SLC6A17: variants seen among roughly 807,000 people sequenced by gnomAD.
The protein encoded by SLC6A17 is solute carrier family 6 member 17.
SLC6A17 carries 21 observed loss-of-function variants against 64.5 expected under a neutral mutation model. The ratio of observed to expected loss-of-function variants is 0.33; its 90% confidence interval spans 0.23 to 0.47. The LOEUF (loss-of-function observed/expected upper bound fraction) is 0.47, where lower values mean the gene tolerates loss of function less well. SLC6A17 is among the 20% of genes least tolerant of loss of function. The pLI is 1.00. For synonymous variants in SLC6A17, 372 were observed against 399.5 expected, an observed-to-expected ratio of 0.93 and a Z score of 0.82; for missense variants, 682 against 963.2, an observed-to-expected ratio of 0.71 and a Z score of 3.86.
chr1:110,191,777 G>C (rs1366070178), intron 6 of SLC6A17, among the ~76,000 whole-genome samples, 195 bp from the exon 7 acceptor site: 2 of 152,198 alleles, frequency 1.3e-5, no homozygotes, highest in Non-Finnish European at 2.9e-5. Context: ...CTCTGAAGTT[G>C]ATACTCTTGT....
At chr1:110,155,382 A>T (rs1364031934) in intron 1 of SLC6A17, among the ~76,000 whole-genome samples, 1 of 152,234 alleles carries the variant, frequency 6.6e-6, no homozygotes, top group Non-Finnish European at 1.5e-5. Flanking sequence ...CACATGTAAG[A>T]ACATAAGCTC....
chr1:110,188,078 G>A (rs911800155), intron 6 of SLC6A17, among the ~76,000 whole-genome samples: 8 of 152,342 alleles, frequency 5.3e-5, no homozygotes, highest in Admixed American at 1.3e-4. Flanking sequence ...TTCACTTGGT[G>A]TGAATATTCA....
chr1:110,172,407 G>A, intron 3 of SLC6A17, 190 bp downstream of exon 3: 1 of 709,440 alleles, frequency 1.4e-6, no homozygotes, highest in East Asian at 2.9e-5. Context: ...TAAACTGAGA[G>A]TCGACCACGT....
intron 9 of SLC6A17, 39 bp from the exon 10 acceptor site, chr1:110,195,547 G>T: frequency 6.2e-7 from 1 of 1,610,666 alleles, no homozygotes; most frequent in Admixed American, 1.7e-5. Flanking sequence ...TGCCCACCCT[G>T]CACCTTTGCC....
chr1:110,178,495 T>G (rs930743001), intron 6 of SLC6A17: 4 of 152,250 alleles, frequency 2.6e-5, no homozygotes, highest in Non-Finnish European at 5.9e-5. Flanking sequence ...GCCATTAAAG[T>G]GCCAGTGTAG....
intron 1 of SLC6A17, among the ~76,000 whole-genome samples, chr1:110,165,197 G>C (rs6674566): frequency 1.3e-5 from 2 of 152,156 alleles, no homozygotes; most frequent in Non-Finnish European, 2.9e-5. Context: ...AAGGACACAG[G>C]CCTCTCCGTT....
intron 5 of SLC6A17, among the ~76,000 whole-genome samples, chr1:110,176,405 C>T (rs1477870750): frequency 2.0e-5 from 3 of 152,172 alleles, no homozygotes; most frequent in Non-Finnish European, 4.4e-5. Flanking sequence ...AGGGAGAAAA[C>T]CAACCCCGGG....
At chr1:110,177,355 T>A (rs1347462266) in intron 6 of SLC6A17, among the ~76,000 whole-genome samples, 12 of 152,158 alleles carry the variant, frequency 7.9e-5, no homozygotes, top group Non-Finnish European at 1.6e-4. Context: ...GGGAGCAAGA[T>A]GAGCAGGATC....
intron 1 of SLC6A17, 50 bp from the exon 2 acceptor site, chr1:110,166,793 A>G: frequency 8.3e-7 from 1 of 1,210,212 alleles, no homozygotes; most frequent in Non-Finnish European, 1.1e-6. Flanking sequence ...TGGGCTCCTC[A>G]CCTTCCTGGT....
intron 4 of SLC6A17, 44 bp from the exon 5 acceptor site, chr1:110,174,735 T>TA (rs1363188428): frequency 1.3e-6 from 2 of 1,597,722 alleles, no homozygotes; most frequent in African/African-American, 2.7e-5. Context: ...AGTGACCCCA[T>TA]AGGCCCTGCC....
chr1:110,153,981 T>C (rs144774353), intron 1 of SLC6A17, among the ~76,000 whole-genome samples: 47 of 152,328 alleles, frequency 3.1e-4, no homozygotes, highest in African/African-American at 1.0e-3. Context: ...CATAGGTAGA[T>C]GTGATTGCTA....
chr1:110,181,349 C>G (rs567969271), intron 6 of SLC6A17, among the ~76,000 whole-genome samples: 30 of 152,342 alleles, frequency 2.0e-4, no homozygotes, highest in African/African-American at 7.0e-4. Flanking sequence ...GCAAAATGAT[C>G]AGTGTACAAT....
At chr1:110,180,406 T>C (rs1309015407) in intron 6 of SLC6A17, among the ~76,000 whole-genome samples, 7 of 152,214 alleles carry the variant, frequency 4.6e-5, no homozygotes, top group Admixed American at 4.6e-4. Context: ...ACACTACTGC[T>C]AATCTGCCTT....
At chr1:110,169,348 G>A (rs1222710802) in intron 2 of SLC6A17, among the ~76,000 whole-genome samples, 2 of 152,172 alleles carry the variant, frequency 1.3e-5, no homozygotes, top group African/African-American at 2.4e-5. Context: ...TGTGTGATAG[G>A]TGTTGGGTCA....
chr1:110,182,091 C>T (rs1656541610), intron 6 of SLC6A17, among the ~76,000 whole-genome samples: 1 of 152,148 alleles, frequency 6.6e-6, no homozygotes, highest in Non-Finnish European at 1.5e-5. Flanking sequence ...GTCAGGAGGT[C>T]CTCCAGGTGA....
chr1:110,173,919 G>A, intron 3 of SLC6A17, 54 bp from the exon 4 acceptor site: 3 of 1,567,650 alleles, frequency 1.9e-6, no homozygotes, highest in Admixed American at 1.8e-5. Context: ...GGAGCGTGGG[G>A]GCAGGGTGGA....
At chr1:110,163,229 C>T (rs1300521924) in intron 1 of SLC6A17, among the ~76,000 whole-genome samples, 1 of 151,836 alleles carries the variant, frequency 6.6e-6, no homozygotes, top group African/African-American at 2.4e-5. Context: ...GTAGGACTTT[C>T]TAGGGGGTGC....
Position 110,166,958 on chromosome 1 carries a change from G to A in SLC6A17, c.29G>A (p.Arg10His), listed in dbSNP as rs146348475. The A allele has an allele frequency of 2.2e-5, 35 of 1,612,982 alleles. No homozygotes were observed. Among genetic ancestry groups the A allele is most frequent in the Admixed American group, 6.7e-5 (4 of 59,958 alleles). The part of the protein sequence containing the change: MPKNSKVTQ[R>H]EHSSEHVTES... ...CCGAAGAACAGCAAAGTGACCCAGCGTGAGCACAGCAGTGAGCATGTCACT... is the reference window on the plus strand; with the variant it reads ...CCGAAGAACAGCAAAGTGACCCAGCATGAGCACAGCAGTGAGCATGTCACT... The change falls in exon 2 of 12, where the codon CGT (arginine) becomes CAT (histidine). Residue 10 changes from arginine (R) to histidine (H), a missense_variant. Around this residue, in one of 3 missense-constraint regions of SLC6A17, gnomAD observed 415 missense variants for 603.8 expected, o/e 0.69. Coordinates refer to ENST00000331565, the MANE Select transcript of SLC6A17 (RefSeq NM_001010898.4).
At chr1:110,176,865 G>A in intron 6 of SLC6A17, 126 bp downstream of exon 6, 1 of 817,810 alleles carries the variant, frequency 1.2e-6, no homozygotes, top group East Asian at 2.6e-5. Flanking sequence ...ATCGTACCAG[G>A]CCCTGGAGAG....
Sources: allele counts gnomAD v4.1 joint callset (sites outside exome capture counted in the v4.1 genomes callset), GRCh38; gene constraint gnomAD v4.1.1; regional missense constraint gnomAD v4.1.1; transcripts MANE v1.5; gene names NCBI Gene and HGNC (gene_info 2026-07-23, HGNC 2026-07-21).